Variants in NTRK2 observed in about 807,000 individuals in gnomAD.
NTRK2 encodes the protein BDNF/NT-3 growth factors receptor.
In NTRK2, 13 loss-of-function variants were observed where a neutral mutation model predicts 94.5. The ratio of observed to expected loss-of-function variants is 0.14; its 90% confidence interval spans 0.09 to 0.22. NTRK2 has a LOEUF of 0.22. Ranked by LOEUF, NTRK2 falls within the 10% of genes least tolerant of loss-of-function variation. The probability of loss-of-function intolerance (pLI) is 1.00; values close to 1 mark genes in which losing one functional copy is unlikely to be tolerated. For missense variants in NTRK2, 639 were observed against 1,071.2 expected (o/e 0.60, Z 5.63); for synonymous variants, 372 against 407.4 (o/e 0.91, Z 1.05).
At chr9:84,705,298 C>T (rs1198326092) in intron 4 of NTRK2, among the ~76,000 whole-genome samples, 2 of 152,150 alleles carry the variant, frequency 1.3e-5, no homozygotes, top group Non-Finnish European at 2.9e-5. Flanking sequence ...CCTGCCCAGC[C>T]CCTTAGAGCC....
intron 12 of NTRK2, among the ~76,000 whole-genome samples, chr9:84,820,839 A>G (rs1037300808): frequency 3.9e-5 from 6 of 152,198 alleles, no homozygotes; most frequent in African/African-American, 1.2e-4. Context: ...TAATATTGAT[A>G]CTATCACTGC....
At chr9:84,669,189 T>C (rs950291049), upstream of NTRK2, 1 of 152,360 alleles carries the variant, frequency 6.6e-6, no homozygotes, top group Non-Finnish European at 1.5e-5. This position sits in a 1 kb window ranked among gnomAD's most constrained non-coding sequence, Gnocchi z 4.1. Context: ...GTTTACAACA[T>C]TTATTTATTT....
At chr9:84,818,933 T>G (rs1417901485) in intron 12 of NTRK2, among the ~76,000 whole-genome samples, 1 of 152,172 alleles carries the variant, frequency 6.6e-6, no homozygotes, top group Non-Finnish European at 1.5e-5. Context: ...CTTGGTCACT[T>G]CAATGTGCCT....
chr9:84,973,539 A>G (rs1203345794), intron 17 of NTRK2, among the ~76,000 whole-genome samples: 1 of 152,190 alleles, frequency 6.6e-6, no homozygotes, highest in Non-Finnish European at 1.5e-5. Flanking sequence ...TTCAAATAAA[A>G]CACAAGGTTG....
intron 12 of NTRK2, among the ~76,000 whole-genome samples, chr9:84,797,523 AC>A (rs2069483403): frequency 3.2e-5 from 3 of 93,856 alleles, no homozygotes; most frequent in African/African-American, 1.6e-4. Context: ...TATTATTATT[AC>A]TATAATAATG....
chr9:84,696,074 A>G (rs1294279512), intron 2 of NTRK2, among the ~76,000 whole-genome samples: 1 of 152,222 alleles, frequency 6.6e-6, no homozygotes, highest in Non-Finnish European at 1.5e-5. Context: ...AGTTGGCGCT[A>G]TCATGGCTCA....
At chr9:84,787,809 A>G (rs1220346947) in intron 12 of NTRK2, among the ~76,000 whole-genome samples, 5 of 152,184 alleles carry the variant, frequency 3.3e-5, no homozygotes, top group Non-Finnish European at 7.3e-5. Context: ...ATCCCTTGGT[A>G]TGGTGGGCAA....
intron 12 of NTRK2, among the ~76,000 whole-genome samples, chr9:84,808,448 A>G (rs1033331916): frequency 2.6e-5 from 4 of 152,192 alleles, no homozygotes; most frequent in Non-Finnish European, 5.9e-5. Flanking sequence ...TGTCTCTATC[A>G]CTAAGTTTCT....
intron 14 of NTRK2, among the ~76,000 whole-genome samples, chr9:84,933,747 C>T (rs1489790702): frequency 6.6e-6 from 1 of 152,190 alleles, no homozygotes; most frequent in Non-Finnish European, 1.5e-5. Flanking sequence ...TCTGAGATGG[C>T]TTAACCAATA....
chr9:84,688,441 C>T (rs72737662), intron 2 of NTRK2, among the ~76,000 whole-genome samples: 1 of 152,034 alleles, frequency 6.6e-6, no homozygotes, highest in Non-Finnish European at 1.5e-5. Context: ...CACTTCAGTG[C>T]CCCACCCTCT....
intron 14 of NTRK2, among the ~76,000 whole-genome samples, chr9:84,913,831 T>C (rs2077314428): frequency 6.6e-6 from 1 of 151,914 alleles, no homozygotes; most frequent in African/African-American, 2.4e-5. Context: ...TTTGCCAGAT[T>C]TGGGAAGTTT....
At chr9:84,922,198 T>A (rs1239299953) in intron 14 of NTRK2, among the ~76,000 whole-genome samples, 1 of 152,218 alleles carries the variant, frequency 6.6e-6, no homozygotes, top group Non-Finnish European at 1.5e-5. Context: ...CGGACACGTC[T>A]TCACTGAAAG....
intron 17 of NTRK2, among the ~76,000 whole-genome samples, chr9:84,979,846 A>G (rs1457366254): frequency 2.0e-5 from 3 of 152,368 alleles, no homozygotes; most frequent in East Asian, 1.9e-4. Context: ...AAGAACTTCC[A>G]TCAGCAAAGC....
chr9:84,846,869 TGG>T (rs2074499467), intron 12 of NTRK2, among the ~76,000 whole-genome samples: 1 of 152,204 alleles, frequency 6.6e-6, no homozygotes, highest in Non-Finnish European at 1.5e-5. Context: ...TCCCAGCAAC[TGG>T]AGCTGCAAAT....
At chr9:85,016,983 T>C (rs1041580056) in intron 17 of NTRK2, among the ~76,000 whole-genome samples, 5 of 152,186 alleles carry the variant, frequency 3.3e-5, no homozygotes, top group Non-Finnish European at 7.3e-5. Flanking sequence ...CTCTCTCTTC[T>C]TTAAAGGAAA....
intron 17 of NTRK2, among the ~76,000 whole-genome samples, chr9:85,015,516 C>T (rs1177274346): frequency 1.3e-5 from 2 of 152,152 alleles, no homozygotes; most frequent in African/African-American, 2.4e-5. Flanking sequence ...AATTCCTCCC[C>T]CAAAGAGCAG....
At chr9:84,840,031 T>C (rs2074085201) in intron 12 of NTRK2, among the ~76,000 whole-genome samples, 1 of 151,974 alleles carries the variant, frequency 6.6e-6, no homozygotes, top group Admixed American at 6.6e-5. Context: ...TTCTTCCTCC[T>C]CCTCCTCCTC....
At chr9:84,694,351 T>A (rs1029825061) in intron 2 of NTRK2, among the ~76,000 whole-genome samples, 13 of 152,242 alleles carry the variant, frequency 8.5e-5, no homozygotes, top group Admixed American at 7.2e-4. Context: ...AGGGAGTTAC[T>A]GGTGCTACTT....
chr9:84,990,928 T>C (rs1483300676), intron 17 of NTRK2, among the ~76,000 whole-genome samples: 1 of 152,024 alleles, frequency 6.6e-6, no homozygotes, highest in Non-Finnish European at 1.5e-5. Flanking sequence ...TGCATTTTTG[T>C]CCTTTTAAAA....
Sources: gnomAD v4.1 joint callset for allele counts (sites outside exome capture counted in the v4.1 genomes callset) on GRCh38, gnomAD v4.1.1 for gene constraint, Gnocchi (gnomAD v3.1) non-coding constraint, MANE v1.5 for transcripts, NCBI Gene and HGNC (gene_info 2026-07-23, HGNC 2026-07-21) for gene names.